UVRAG: variants seen among roughly 807,000 people sequenced by gnomAD.
The protein encoded by UVRAG is UV radiation resistance associated.
In UVRAG, 19 loss-of-function variants were observed where a neutral mutation model predicts 78.0. That is an observed-to-expected ratio of 0.24 (90% CI 0.17 to 0.36). The LOEUF (loss-of-function observed/expected upper bound fraction) is 0.36. Among genes scored for constraint, UVRAG ranks in the 10% least tolerant of loss-of-function variants. The pLI, the probability that UVRAG is intolerant of heterozygous loss-of-function variation, is 1.00. For missense variants in UVRAG, 740 were observed against 853.8 expected (o/e 0.87, Z 1.66); for synonymous variants, 323 against 324.6 (o/e 1.00, Z 0.05).
intron 13 of UVRAG, among the ~76,000 whole-genome samples, chr11:76,084,933 G>A (rs1399282465): frequency 2.6e-5 from 4 of 151,686 alleles, no homozygotes; most frequent in Admixed American, 6.6e-5. Flanking sequence ...GCATGGTGGC[G>A]GGTGCCTGTA....
chr11:75,987,820 C>T (rs1949531059), intron 8 of UVRAG, among the ~76,000 whole-genome samples: 1 of 152,044 alleles, frequency 6.6e-6, no homozygotes, highest in South Asian at 2.1e-4. Context: ...CACTGCACCC[C>T]TCTGCCTGCT....
intron 12 of UVRAG, among the ~76,000 whole-genome samples, chr11:76,022,011 A>G (rs556894819): frequency 1.2e-3 from 180 of 152,302 alleles, no homozygotes; most frequent in African/African-American, 4.0e-3. Flanking sequence ...CCAAGATTGC[A>G]GCACTGCATT....
At chr11:76,004,118 G>GA in intron 9 of UVRAG, 29 bp downstream of exon 9, 1 of 1,598,908 alleles carries the variant, frequency 6.3e-7, no homozygotes, top group Non-Finnish European at 8.6e-7. Flanking sequence ...GAATTGCTGT[G>GA]AGTGTGGAGT....
chr11:75,823,476 C>T (rs941181706), intron 1 of UVRAG, among the ~76,000 whole-genome samples: 1 of 152,200 alleles, frequency 6.6e-6, no homozygotes, highest in Non-Finnish European at 1.5e-5. Flanking sequence ...ACCACAGGTG[C>T]ACACCACCAT....
At chr11:75,949,714 T>TATATATATATACACAC (rs59607906) in intron 6 of UVRAG, among the ~76,000 whole-genome samples, 7 of 136,868 alleles carry the variant, frequency 5.1e-5, no homozygotes, top group African/African-American at 2.0e-4. Flanking sequence ...TATATATATA[T>TATATATATATACACAC]ACACACACAC....
chr11:75,931,061 T>A (rs752675274), intron 6 of UVRAG: 4 of 152,032 alleles, frequency 2.6e-5, no homozygotes, highest in African/African-American at 4.8e-5. Flanking sequence ...TTTGGTGAGA[T>A]ACAGTTAGCA....
intron 1 of UVRAG, among the ~76,000 whole-genome samples, chr11:75,845,862 CA>C (rs922895452): frequency 2.3e-4 from 32 of 137,028 alleles, no homozygotes; most frequent in East Asian, 2.1e-4. Context: ...AAAGGTTGCC[CA>C]AAAAAAAAAA....
chr11:75,848,432 C>G (rs1042252168), intron 1 of UVRAG, among the ~76,000 whole-genome samples: 1 of 152,102 alleles, frequency 6.6e-6, no homozygotes, highest in African/African-American at 2.4e-5. Context: ...GTGGTTTGTT[C>G]TGTTTATTCG....
chr11:75,847,510 G>A (rs979258290), intron 1 of UVRAG, among the ~76,000 whole-genome samples: 1 of 151,922 alleles, frequency 6.6e-6, no homozygotes, highest in African/African-American at 2.4e-5. Flanking sequence ...GGGCTCAAGT[G>A]ATCCTCTTGC....
chr11:76,097,869 T>C (rs1951813450), intron 13 of UVRAG, among the ~76,000 whole-genome samples: 1 of 152,180 alleles, frequency 6.6e-6, no homozygotes, highest in Non-Finnish European at 1.5e-5. Context: ...AATGTAAGTC[T>C]ACTCCTTACC....
intron 8 of UVRAG, 51 bp from the exon 9 acceptor site, chr11:76,003,954 T>G: frequency 1.3e-6 from 2 of 1,548,088 alleles, no homozygotes; most frequent in Non-Finnish European, 1.8e-6. Flanking sequence ...TTGGTTGTGA[T>G]TGAGTAATCC....
chr11:76,056,034 T>C (rs114571206), intron 12 of UVRAG, among the ~76,000 whole-genome samples: 2,062 of 152,320 alleles, frequency 0.014, 51 homozygotes, highest in African/African-American at 0.047. Context: ...TTAAATGAAC[T>C]ATTCTGAGTT....
In UVRAG at chr11:75,890,559, G is replaced by T. The variant is rs1023753802; in HGVS notation, c.507+1656G>T. 8.5e-5 allele frequency among the ~76,000 whole-genome samples: 13 copies of T among 152,342 alleles called. No individual in the cohort carries two copies. The East Asian group carries it at 2.3e-3, about 27-fold the overall frequency. ...TGACACTGGAGGAAAACCAGGTTTGGTGGAGGCAGATTGTGAGTTGCGATT... is the reference window on the plus strand; with the variant it reads ...TGACACTGGAGGAAAACCAGGTTTGTTGGAGGCAGATTGTGAGTTGCGATT... On this transcript the variant is annotated intron_variant, in intron 5 of 14. Transcript: ENST00000356136.
Position 76,129,868 on chromosome 11 carries a change from G to GTCTCTC in UVRAG, c.1398-10827_1398-10822dup, listed in dbSNP as rs147417062. 1.6e-3 allele frequency among the ~76,000 whole-genome samples: 231 copies of GTCTCTC among 148,414 alleles called. 1 individual carries two copies. Among genetic ancestry groups the GTCTCTC allele is most frequent in the African/African-American group, 5.4e-3 (219 of 40,518 alleles). ...AGAGTGCACTTTCCAAAGTATAAAT[G>GTCTCTC]TCTCTCTCTCTCTCTCTCTCTGCAC... On this transcript the variant is annotated intron_variant, in intron 14 of 14. Transcript: ENST00000356136.
intron 12 of UVRAG, among the ~76,000 whole-genome samples, chr11:76,040,058 A>T (rs1565132310): frequency 1.3e-5 from 2 of 152,166 alleles, no homozygotes; most frequent in Non-Finnish European, 2.9e-5. Flanking sequence ...TTGTATATAT[A>T]TTTTTAAGTT....
At chr11:75,967,482 A>G (rs1045693080) in intron 7 of UVRAG, among the ~76,000 whole-genome samples, 5 of 152,184 alleles carry the variant, frequency 3.3e-5, no homozygotes, top group Admixed American at 1.3e-4. Context: ...CCACAATTTT[A>G]AAACCTTTTT....
intron 12 of UVRAG, among the ~76,000 whole-genome samples, chr11:76,030,118 CAT>C (rs1950407574): frequency 6.6e-6 from 1 of 151,640 alleles, no homozygotes; most frequent in Admixed American, 6.6e-5. Flanking sequence ...ATTTTTAAAA[CAT>C]AATGCTATTT....
chr11:76,119,593 C>T (rs910956811), intron 14 of UVRAG, among the ~76,000 whole-genome samples: 6 of 152,200 alleles, frequency 3.9e-5, no homozygotes, highest in African/African-American at 1.4e-4. Context: ...CCCAGTTGCT[C>T]AAACCAGGGA....
chr11:76,031,368 T>G (rs1177322284), intron 12 of UVRAG, among the ~76,000 whole-genome samples: 1 of 152,216 alleles, frequency 6.6e-6, no homozygotes, highest in Non-Finnish European at 1.5e-5. Context: ...ATGAACACCT[T>G]GTGAAGATTA....
Sources: gnomAD v4.1 joint callset for allele counts (sites outside exome capture counted in the v4.1 genomes callset) on GRCh38, gnomAD v4.1.1 for gene constraint, MANE v1.5 for transcripts, NCBI Gene and HGNC (gene_info 2026-07-23, HGNC 2026-07-21) for gene names.